SH3BGRL2: variants seen among roughly 807,000 people sequenced by gnomAD.
SH3BGRL2 encodes the protein SH3 domain binding glutamate rich protein like 2, also known as SH3 domain-binding glutamic acid-rich-like protein 2.
SH3BGRL2 carries 21 observed loss-of-function variants against 14.8 expected under a neutral mutation model. The ratio of observed to expected loss-of-function variants is 1.42; its 90% CI spans 1.01 to 2.05. The LOEUF is 2.05. Ranked by LOEUF, SH3BGRL2 falls within the 30% of genes most tolerant of loss-of-function variation. The probability of loss-of-function intolerance (pLI) is 0.00; values close to 1 mark genes in which losing one functional copy is unlikely to be tolerated. For synonymous variants in SH3BGRL2, 50 were observed against 47.8 expected, an observed-to-expected ratio of 1.05 and a Z score of -0.19; for missense variants, 147 against 130.8, an observed-to-expected ratio of 1.12 and a Z score of -0.61.
At chr6:79,566,459 A>T in the SH3BGRL2 span, among the ~76,000 whole-genome samples, 1 of 152,144 alleles carries the variant, frequency 6.6e-6, no homozygotes, top group Non-Finnish European at 1.5e-5. Context: ...CCAGTTATAT[A>T]TATTATTCTA....
At chr6:79,582,435 G>T in the SH3BGRL2 span, among the ~76,000 whole-genome samples, 1 of 152,106 alleles carries the variant, frequency 6.6e-6, no homozygotes, top group African/African-American at 2.4e-5. Context: ...TACCAAAACA[G>T]ATATATAGAA....
chr6:79,579,165 A>G, the SH3BGRL2 span, among the ~76,000 whole-genome samples: 2 of 152,240 alleles, frequency 1.3e-5, no homozygotes, highest in South Asian at 2.1e-4. Flanking sequence ...GACCAAATCT[A>G]TATTTGTTTG....
At chr6:79,669,845 G>A (rs1320044499) in intron 1 of SH3BGRL2, among the ~76,000 whole-genome samples, 11 of 152,160 alleles carry the variant, frequency 7.2e-5, no homozygotes, top group Admixed American at 7.2e-4. Flanking sequence ...GCAGTGGAGG[G>A]GAAGTAGAGA....
intron 1 of SH3BGRL2, among the ~76,000 whole-genome samples, chr6:79,665,365 G>A (rs1427851788): frequency 1.3e-5 from 2 of 152,004 alleles, no homozygotes; most frequent in Admixed American, 6.6e-5. Flanking sequence ...AAAAATATTC[G>A]TAATACAACA....
rs1258103523 is a variant in SH3BGRL2, at chr6:79,700,680, T to C, written c.*1171T>C. 1 of 152,154 alleles carries C rather than the reference T, an allele frequency of 6.6e-6. No individual in the cohort carries two copies. The highest frequency in any genetic ancestry group is 2.4e-5 in the African/African-American group (1 of 41,450). The allele number at this position is 152,154 out of a possible 1,614,324, so 9.4% of individuals were successfully genotyped here. A position where few individuals can be genotyped will look rare whatever the true frequency, so the allele number is the denominator to read the frequency against. ...ACATGAGAAAGAGAGTAACCCGGAA[T>C]TGTACTTGTCAAGCAAAATCTATAC... is the stretch of plus-strand genomic sequence containing the variant. On this transcript the variant is annotated 3_prime_UTR_variant, in exon 4 of 4. Coordinates refer to ENST00000369838, the MANE Select transcript of SH3BGRL2 (RefSeq NM_031469.4).
the SH3BGRL2 span, among the ~76,000 whole-genome samples, chr6:79,557,529 A>G: frequency 6.6e-6 from 1 of 152,212 alleles, no homozygotes; most frequent in Non-Finnish European, 1.5e-5. Flanking sequence ...CAATGTGGGG[A>G]AAAAATGTGG....
the SH3BGRL2 span, among the ~76,000 whole-genome samples, chr6:79,579,489 A>G: frequency 2.0e-5 from 3 of 152,230 alleles, no homozygotes; most frequent in Non-Finnish European, 1.5e-5. Context: ...AGTGGGGGCC[A>G]ATATTCAACA....
intron 3 of SH3BGRL2, among the ~76,000 whole-genome samples, chr6:79,698,250 AAT>A (rs1386535233): frequency 6.6e-6 from 1 of 152,184 alleles, no homozygotes; most frequent in Non-Finnish European, 1.5e-5. Flanking sequence ...TTTAAAAGCT[AAT>A]AGTAACTCAT....
intron 1 of SH3BGRL2, among the ~76,000 whole-genome samples, chr6:79,669,768 G>T (rs1047376047): frequency 2.6e-5 from 4 of 152,114 alleles, no homozygotes; most frequent in Non-Finnish European, 4.4e-5. Context: ...TCTAGTGGGG[G>T]AGATGGACAA....
the SH3BGRL2 span, among the ~76,000 whole-genome samples, chr6:79,590,426 T>TAG: frequency 1.4e-4 from 8 of 55,922 alleles, 1 homozygote; most frequent in African/African-American, 4.8e-4. Context: ...GAAAATGTGA[T>TAG]ATATATATAT....
intron 1 of SH3BGRL2, among the ~76,000 whole-genome samples, chr6:79,664,233 A>G (rs1769611880): frequency 6.6e-6 from 1 of 152,084 alleles, no homozygotes; most frequent in Admixed American, 6.5e-5. Flanking sequence ...TGCAGAAATC[A>G]CCTGTCTTCT....
chr6:79,593,201 G>A, the SH3BGRL2 span, among the ~76,000 whole-genome samples: 1 of 152,168 alleles, frequency 6.6e-6, no homozygotes, highest in Admixed American at 6.5e-5. Flanking sequence ...TGAAGGCAGT[G>A]GGGTGGACTA....
At chr6:79,650,210 A>G (rs1460525058) in intron 1 of SH3BGRL2, among the ~76,000 whole-genome samples, 1 of 152,154 alleles carries the variant, frequency 6.6e-6, no homozygotes, top group Non-Finnish European at 1.5e-5. Flanking sequence ...AAGTGCCTGT[A>G]GAGATTTCAG....
At chr6:79,566,862 A>G in the SH3BGRL2 span, among the ~76,000 whole-genome samples, 4 of 150,920 alleles carry the variant, frequency 2.7e-5, no homozygotes, top group Non-Finnish European at 1.5e-5. Flanking sequence ...GTGCCACTGC[A>G]CTGTAGCCTG....
At chr6:79,567,706 A>T in the SH3BGRL2 span, among the ~76,000 whole-genome samples, 1 of 152,228 alleles carries the variant, frequency 6.6e-6, no homozygotes, top group Non-Finnish European at 1.5e-5. Context: ...AAAAAGATTT[A>T]AAAAAGAGGC....
the SH3BGRL2 span, among the ~76,000 whole-genome samples, chr6:79,593,040 C>T: frequency 6.6e-6 from 1 of 152,266 alleles, no homozygotes; most frequent in South Asian, 2.1e-4. Flanking sequence ...TGGTATACTA[C>T]CTTATTCCAG....
At chr6:79,553,717 A>G in the SH3BGRL2 span, among the ~76,000 whole-genome samples, 1 of 152,158 alleles carries the variant, frequency 6.6e-6, no homozygotes, top group Non-Finnish European at 1.5e-5. Context: ...CACGCCTGTA[A>G]TCCTAGCACT....
the SH3BGRL2 span, among the ~76,000 whole-genome samples, chr6:79,572,850 G>C: frequency 6.6e-6 from 1 of 152,118 alleles, no homozygotes; most frequent in African/African-American, 2.4e-5. Flanking sequence ...TTTTTTGGTA[G>C]GGATTTGTAG....
the SH3BGRL2 span, among the ~76,000 whole-genome samples, chr6:79,585,251 T>C: frequency 7.9e-5 from 12 of 152,274 alleles, no homozygotes; most frequent in South Asian, 8.3e-4. Context: ...CCTATAGCCT[T>C]CTTTCTTCTC....
Sources: allele counts gnomAD v4.1 joint callset (sites outside exome capture counted in the v4.1 genomes callset), GRCh38; gene constraint gnomAD v4.1.1; transcripts MANE v1.5; gene names NCBI Gene and HGNC (gene_info 2026-07-23, HGNC 2026-07-21).